Variants in GLRA2 observed in about 807,000 individuals in gnomAD.
GLRA2 encodes glycine receptor subunit alpha-2.
A neutral mutation model predicts 31.6 loss-of-function variants in GLRA2; 11 were observed. The observed-to-expected ratio is 0.35, with a 90% CI of 0.22 to 0.58. The LOEUF (loss-of-function observed/expected upper bound fraction) is 0.58, where lower values mean the gene tolerates loss of function less well. GLRA2 is among the 20% of genes least tolerant of loss of function. The pLI is 0.84. For synonymous variants in GLRA2, 132 were observed against 134.0 expected, an observed-to-expected ratio of 0.99 and a Z score of 0.10; for missense variants, 212 against 351.8, an observed-to-expected ratio of 0.60 and a Z score of 3.18.
At chrX:14,468,405 T>C in the GLRA2 span, among the ~76,000 whole-genome samples, 2 of 111,736 alleles carry the variant, frequency 1.8e-5, no homozygotes, top group Non-Finnish European at 3.8e-5. Flanking sequence ...CAACAGGTTT[T>C]ATTAGTGGCA....
chrX:14,592,678 A>G (rs1364709319), intron 4 of GLRA2, among the ~76,000 whole-genome samples: 1 of 111,715 alleles, frequency 9.0e-6, no homozygotes, highest in African/African-American at 3.3e-5. Flanking sequence ...TCTCAAAAAA[A>G]GAAAAATTCA....
At chrX:14,682,764 T>C (rs1288108706) in intron 7 of GLRA2, among the ~76,000 whole-genome samples, 1 of 100,272 alleles carries the variant, frequency 1.0e-5, no homozygotes, top group Non-Finnish European at 2.0e-5. Context: ...AGTGTTCTCA[T>C]TGTTCAATTC....
At chrX:14,710,337 T>C (rs1601874256) in intron 8 of GLRA2, among the ~76,000 whole-genome samples, 1 of 111,904 alleles carries the variant, frequency 8.9e-6, no homozygotes, top group Non-Finnish European at 1.9e-5. Flanking sequence ...GCAGTGGCTA[T>C]CTGGAAGGTT....
chrX:14,704,294 G>A (rs1394531479), intron 8 of GLRA2, among the ~76,000 whole-genome samples: 1 of 112,339 alleles, frequency 8.9e-6, no homozygotes, highest in Admixed American at 9.4e-5. Flanking sequence ...TTTCATAAAG[G>A]CTATGATGGC....
chrX:14,680,373 T>C (rs2091188328), intron 7 of GLRA2, among the ~76,000 whole-genome samples: 1 of 25,585 alleles, frequency 3.9e-5, no homozygotes, highest in African/African-American at 3.1e-4. Context: ...GAATTAAATA[T>C]GCTATGCCTG....
chrX:14,531,003 G>T (rs925859844), intron 1 of GLRA2: 1 of 913,470 alleles, frequency 1.1e-6, no homozygotes, highest in Non-Finnish European at 1.4e-6. Context: ...TAGTAATAAT[G>T]CTATGAATAC....
Position 14,690,104 on chromosome X carries a change from A to G in GLRA2, c.931-606A>G, listed in dbSNP as rs1034464194. Among the ~76,000 whole-genome samples, 3 of 111,807 alleles carry G rather than the reference A, an allele frequency of 2.7e-5. No individual in the cohort carries two copies. The East Asian group carries it at 8.4e-4, about 31-fold the overall frequency. Reference sequence around the variant, plus strand: ...TAGGATCAGTAAATTGAAGAAAATTACAAATTGGCTTTTGAAGAGCCTAAG... The same window carrying G: ...TAGGATCAGTAAATTGAAGAAAATTGCAAATTGGCTTTTGAAGAGCCTAAG... On this transcript the variant is annotated intron_variant, in intron 7 of 8. Coordinates refer to ENST00000218075, the MANE Select transcript of GLRA2 (RefSeq NM_002063.4).
chrX:14,565,210 A>G (rs1782759303), intron 2 of GLRA2, among the ~76,000 whole-genome samples: 1 of 112,092 alleles, frequency 8.9e-6, no homozygotes, highest in African/African-American at 3.2e-5. Context: ...TGATTCAACT[A>G]TATGCTATCT....
intron 6 of GLRA2, among the ~76,000 whole-genome samples, chrX:14,608,373 G>T (rs143299278): frequency 1.3e-3 from 150 of 111,480 alleles, no homozygotes; most frequent in African/African-American, 4.7e-3. Flanking sequence ...TTACCCAGAA[G>T]GCTAGGAAAT....
chrX:14,664,807 A>C (rs2091023440), intron 7 of GLRA2, among the ~76,000 whole-genome samples: 1 of 112,036 alleles, frequency 8.9e-6, no homozygotes, highest in African/African-American at 3.2e-5. Context: ...CTTTAAAGAG[A>C]AGGCTGGAGG....
chrX:14,525,769 TCTTAA>T (rs1473370860), upstream of GLRA2, among the ~76,000 whole-genome samples: 1 of 111,887 alleles, frequency 8.9e-6, no homozygotes, highest in African/African-American at 3.2e-5. Context: ...TAATCACAGA[TCTTAA>T]CTTGTTAATT....
chrX:14,696,118 G>A lies in GLRA2; in HGVS notation c.1080+5259G>A, dbSNP rs757404040. ...AGAGAAGACAATAGAGGAGTTGAAAGAAGAGAATGTAGAAGGGAAGAAGGA... is the reference window on the plus strand; with the variant it reads ...AGAGAAGACAATAGAGGAGTTGAAAAAAGAGAATGTAGAAGGGAAGAAGGA... On this transcript the variant is annotated intron_variant, in intron 8 of 8. Coordinates refer to ENST00000218075, the MANE Select transcript of GLRA2 (RefSeq NM_002063.4). 1.6e-4 allele frequency among the ~76,000 whole-genome samples: 17 copies of A among 106,553 alleles called. No individual in the cohort carries two copies. The East Asian group carries it at 3.0e-3, about 19-fold the overall frequency. 92.5% of individuals were successfully genotyped at this position (106,553 alleles called of 115,157 possible).
the GLRA2 span, among the ~76,000 whole-genome samples, chrX:14,487,795 C>T: frequency 4.5e-5 from 5 of 111,950 alleles, no homozygotes; most frequent in South Asian, 1.9e-3. Flanking sequence ...TCCCTCCCAC[C>T]TACTTTCTAG....
At chrX:14,562,719 C>T (rs2089749192) in intron 2 of GLRA2, among the ~76,000 whole-genome samples, 2 of 112,038 alleles carry the variant, frequency 1.8e-5, no homozygotes, top group Admixed American at 1.9e-4. Flanking sequence ...TGTGTAAACA[C>T]ATCCCTGGTG....
chrX:14,669,267 C>T (rs1185975701), intron 7 of GLRA2, among the ~76,000 whole-genome samples: 1 of 112,021 alleles, frequency 8.9e-6, no homozygotes. Flanking sequence ...GGTACAGCCT[C>T]CCTCCTGGCT....
At chrX:14,560,971 T>G (rs1186148359) in intron 2 of GLRA2, among the ~76,000 whole-genome samples, 1 of 111,262 alleles carries the variant, frequency 9.0e-6, no homozygotes, top group Non-Finnish European at 1.9e-5. Flanking sequence ...AGGTTTTGAA[T>G]ATGCAAAATA....
At chrX:14,612,534 T>C (rs1285509750) in intron 7 of GLRA2, among the ~76,000 whole-genome samples, 2 of 111,379 alleles carry the variant, frequency 1.8e-5, no homozygotes, top group East Asian at 2.8e-4. Flanking sequence ...GGTATGTTTA[T>C]TGCGGCACTA....
intron 2 of GLRA2, among the ~76,000 whole-genome samples, chrX:14,545,394 C>T (rs2089465155): frequency 9.0e-6 from 1 of 111,247 alleles, no homozygotes; most frequent in African/African-American, 3.3e-5. Context: ...AACTAACCCA[C>T]TCCTATGACA....
chrX:14,630,958 G>A (rs1323281022), intron 7 of GLRA2, among the ~76,000 whole-genome samples: 1 of 110,166 alleles, frequency 9.1e-6, no homozygotes, highest in Non-Finnish European at 1.9e-5. Flanking sequence ...GGCAAAAGAG[G>A]ATGAACTCCT....
Sources: gnomAD v4.1 joint callset for allele counts (sites outside exome capture counted in the v4.1 genomes callset) on GRCh38, gnomAD v4.1.1 for gene constraint, MANE v1.5 for transcripts, NCBI Gene and HGNC (gene_info 2026-07-23, HGNC 2026-07-21) for gene names.